Variants in ARHGAP24 observed in about 807,000 individuals in gnomAD.
The protein encoded by ARHGAP24 is Rho GTPase activating protein 24.
Under a neutral mutation model 76.4 loss-of-function variants are expected in ARHGAP24, and 50 were observed. That is an observed-to-expected ratio of 0.65 (90% CI 0.52 to 0.83). The LOEUF (loss-of-function observed/expected upper bound fraction) is 0.83. ARHGAP24 is among the 40% of genes least tolerant of loss of function. The probability of loss-of-function intolerance (pLI) is 0.00; values close to 1 mark genes in which losing one functional copy is unlikely to be tolerated. For synonymous variants in ARHGAP24, 345 were observed against 323.3 expected (o/e 1.07, Z -0.72); for missense variants, 930 against 914.2 (o/e 1.02, Z -0.22).
chr4:85,724,948 A>G (rs758254078), intron 3 of ARHGAP24, among the ~76,000 whole-genome samples: 4 of 152,234 alleles, frequency 2.6e-5, no homozygotes, highest in Non-Finnish European at 4.4e-5. Flanking sequence ...CCAAAGTCCA[A>G]GCTTTTGGGA....
rs572233509 is a variant in ARHGAP24, at chr4:85,945,933, G to A, written c.599+3660G>A. On this transcript the variant is annotated intron_variant, in intron 5 of 9. Coordinates refer to ENST00000395184, the MANE Select transcript of ARHGAP24 (RefSeq NM_001025616.3). The stretch of plus-strand genomic sequence containing the variant: ...GCTGATAAAGACATATCTGAGACTG[G>A]GTAATTTATATAGGAAAAAGGTTTA... Among the ~76,000 whole-genome samples, 14 of 152,026 alleles carry A rather than the reference G, an allele frequency of 9.2e-5. No individual in the cohort carries two copies. The South Asian group carries it at 2.9e-3, about 32-fold the overall frequency.
rs780813806 is a variant in ARHGAP24, at chr4:85,995,122, G to C, written c.1468G>C (p.Asp490His). The C allele has an allele frequency of 6.2e-7, 1 of 1,613,858 alleles. No homozygotes were observed. The highest frequency in any genetic ancestry group is 8.5e-7 in the Non-Finnish European group (1 of 1,180,012). ...GGTGCGCATGGGCATTTTGAACAGC[G>C]ACACACTCGGGAACCCCACAAATGT... ...GTVRMGILNS[D>H]TLGNPTNVRN... Residue 490 changes from aspartate to histidine, a missense_variant, in exon 9 of 10, where the codon GAC becomes CAC. Physicochemically the swap from Asp to His is moderately conservative, Grantham distance 81. Transcript: ENST00000395184.
chr4:85,765,785 G>A (rs926122953), intron 3 of ARHGAP24, among the ~76,000 whole-genome samples: 1 of 152,088 alleles, frequency 6.6e-6, no homozygotes, highest in African/African-American at 2.4e-5. Context: ...CCTATGAAAA[G>A]TACATTTATA....
At chr4:85,678,904 G>A (rs983615653) in intron 2 of ARHGAP24, among the ~76,000 whole-genome samples, 10 of 152,090 alleles carry the variant, frequency 6.6e-5, no homozygotes, top group South Asian at 4.1e-4. Flanking sequence ...GCAATGTAGG[G>A]GCCAAGGGAA....
chr4:85,714,996 G>A (rs1182725891), intron 2 of ARHGAP24, among the ~76,000 whole-genome samples: 1 of 152,056 alleles, frequency 6.6e-6, no homozygotes, highest in Non-Finnish European at 1.5e-5. Flanking sequence ...AATTTATCAT[G>A]ACAGAGTCTG....
chr4:85,815,688 C>T (rs1560648161), intron 3 of ARHGAP24, among the ~76,000 whole-genome samples: 1 of 152,216 alleles, frequency 6.6e-6, no homozygotes, highest in Non-Finnish European at 1.5e-5. Flanking sequence ...ATTTTCCTGT[C>T]TTCTTCTGAG....
At chr4:85,813,808 T>C (rs1431584221) in intron 3 of ARHGAP24, among the ~76,000 whole-genome samples, 1 of 118,174 alleles carries the variant, frequency 8.5e-6, no homozygotes, top group Non-Finnish European at 1.7e-5. Flanking sequence ...TAAATATATA[T>C]ATATTTATTT....
chr4:85,894,834 G>A (rs1389771629), intron 3 of ARHGAP24, among the ~76,000 whole-genome samples: 2 of 151,600 alleles, frequency 1.3e-5, no homozygotes, highest in Non-Finnish European at 2.9e-5. Context: ...GGAGTCACAT[G>A]CCTGTAATCC....
At chr4:85,940,166 A>C (rs1348952038) in intron 4 of ARHGAP24, among the ~76,000 whole-genome samples, 5 of 152,096 alleles carry the variant, frequency 3.3e-5, no homozygotes. Flanking sequence ...AATGGATTAG[A>C]ATTTTGTTTT....
intron 5 of ARHGAP24, among the ~76,000 whole-genome samples, chr4:85,945,018 G>A (rs778204856): frequency 4.6e-5 from 7 of 151,268 alleles, no homozygotes; most frequent in Admixed American, 6.6e-5. Flanking sequence ...GGCTAATTTC[G>A]TATTTTTACT....
chr4:85,523,799 T>C (rs1454565920), intron 1 of ARHGAP24, among the ~76,000 whole-genome samples: 1 of 151,814 alleles, frequency 6.6e-6, no homozygotes, highest in Non-Finnish European at 1.5e-5. Context: ...AAGATTATTT[T>C]TCTACCTTGT....
At chr4:86,000,319 T>G in intron 9 of ARHGAP24, 160 bp from the exon 10 acceptor site, 1 of 631,892 alleles carries the variant, frequency 1.6e-6, no homozygotes, top group East Asian at 3.0e-5. Flanking sequence ...TACAACAAAA[T>G]TACATCCTTT....
At chr4:85,967,084 G>A (rs565219006) in intron 5 of ARHGAP24, among the ~76,000 whole-genome samples, 1 of 152,044 alleles carries the variant, frequency 6.6e-6, no homozygotes, top group Non-Finnish European at 1.5e-5. Context: ...GAGCAAGGAG[G>A]GATTCTTGTC....
chr4:85,922,828 T>C lies in ARHGAP24; in HGVS notation c.269-820T>C, dbSNP rs540301015. ...ACTTAAATGCGCTATAAAAGACTTC[T>C]AAGAAATTAAATTACATGCTTTGGA... On this transcript the variant is annotated intron_variant, in intron 3 of 9. Coordinates refer to ENST00000395184, the MANE Select transcript of ARHGAP24 (RefSeq NM_001025616.3). 5.3e-5 allele frequency among the ~76,000 whole-genome samples: 8 copies of C among 152,344 alleles called. No individual in the cohort carries two copies. The South Asian group carries it at 1.7e-3, about 32-fold the overall frequency.
chr4:85,824,660 A>G (rs188958502), intron 3 of ARHGAP24, among the ~76,000 whole-genome samples: 132 of 152,260 alleles, frequency 8.7e-4, no homozygotes, highest in African/African-American at 3.2e-3. Context: ...TCCATATATG[A>G]TTCTAAAATC....
At chr4:85,516,685 A>C (rs951656029) in intron 1 of ARHGAP24, among the ~76,000 whole-genome samples, 1 of 34,476 alleles carries the variant, frequency 2.9e-5, no homozygotes, top group Non-Finnish European at 1.0e-4. Flanking sequence ...TTAAAGTTTT[A>C]AAGATTTAGT....
chr4:85,877,505 G>T (rs1471215261), intron 3 of ARHGAP24, among the ~76,000 whole-genome samples: 1 of 99,298 alleles, frequency 1.0e-5, no homozygotes, highest in Non-Finnish European at 2.1e-5. Context: ...CACACTTGTA[G>T]TCCCAGCTAC....
chr4:85,946,852 T>C (rs1737297759), intron 5 of ARHGAP24, among the ~76,000 whole-genome samples: 1 of 152,318 alleles, frequency 6.6e-6, no homozygotes, highest in Non-Finnish European at 1.5e-5. Flanking sequence ...TACCTATTAG[T>C]GGGACTGCTG....
At chr4:85,715,235 G>A (rs963758800) in intron 2 of ARHGAP24, among the ~76,000 whole-genome samples, 2 of 151,974 alleles carry the variant, frequency 1.3e-5, no homozygotes, top group Non-Finnish European at 2.9e-5. Context: ...TTGCAAACAC[G>A]ATAGTAAAAA....
Sources: gnomAD v4.1 joint callset for allele counts (sites outside exome capture counted in the v4.1 genomes callset) on GRCh38, gnomAD v4.1.1 for gene constraint, MANE v1.5 for transcripts, NCBI Gene and HGNC (gene_info 2026-07-23, HGNC 2026-07-21) for gene names.